CHRM2: variants seen among roughly 807,000 people sequenced by gnomAD.
CHRM2 encodes muscarinic acetylcholine receptor M2.
CHRM2 carries 8 observed loss-of-function variants against 25.0 expected under a neutral mutation model. That is an observed-to-expected ratio of 0.32 (90% CI 0.19 to 0.58). The LOEUF (loss-of-function observed/expected upper bound fraction) is 0.58. CHRM2 is among the 20% of genes least tolerant of loss of function. The probability of loss-of-function intolerance (pLI) is 0.88; values close to 1 mark genes in which losing one functional copy is unlikely to be tolerated. For synonymous variants in CHRM2, 202 were observed against 205.7 expected (o/e 0.98, Z 0.15); for missense variants, 440 against 567.1 (o/e 0.78, Z 2.28).
At chr7:136,944,536 T>A (rs28509469) in intron 2 of CHRM2, among the ~76,000 whole-genome samples, 1 of 152,066 alleles carries the variant, frequency 6.6e-6, no homozygotes, top group Non-Finnish European at 1.5e-5. Context: ...TGTACATATA[T>A]ACATATATAT....
intron 3 of CHRM2, among the ~76,000 whole-genome samples, chr7:137,007,466 C>T (rs187679010): frequency 1.3e-5 from 2 of 152,176 alleles, no homozygotes; most frequent in African/African-American, 2.4e-5. Flanking sequence ...CTACTCCTTG[C>T]GGCCACCACC....
intron 3 of CHRM2, among the ~76,000 whole-genome samples, chr7:136,993,997 A>C (rs1315836016): frequency 6.6e-6 from 1 of 152,200 alleles, no homozygotes; most frequent in Non-Finnish European, 1.5e-5. Context: ...TGTTTTGTTT[A>C]AAGGTTGCTT....
chr7:136,919,304 T>C (rs1460499604), intron 2 of CHRM2, among the ~76,000 whole-genome samples: 1 of 152,120 alleles, frequency 6.6e-6, no homozygotes, highest in East Asian at 1.9e-4. Flanking sequence ...TTTACTAAAC[T>C]TTTCAATCAG....
chr7:136,947,815 C>A (rs1800157930), intron 2 of CHRM2, among the ~76,000 whole-genome samples: 1 of 152,046 alleles, frequency 6.6e-6, no homozygotes, highest in African/African-American at 2.4e-5. Context: ...AGGAGAAAAT[C>A]TTGGGTACAA....
intron 2 of CHRM2, among the ~76,000 whole-genome samples, chr7:136,879,982 A>C (rs565920370): frequency 1.3e-5 from 2 of 151,472 alleles, no homozygotes; most frequent in African/African-American, 4.8e-5. Flanking sequence ...CCCCTTTGCT[A>C]TTCACCAGCT....
At chr7:136,903,818 G>A (rs1390262830) in intron 2 of CHRM2, among the ~76,000 whole-genome samples, 1 of 151,798 alleles carries the variant, frequency 6.6e-6, no homozygotes, top group Non-Finnish European at 1.5e-5. Flanking sequence ...ACAGTAATAT[G>A]GCCTTGGGGT....
At chr7:136,991,494 G>T (rs1437191320) in intron 2 of CHRM2, among the ~76,000 whole-genome samples, 2 of 151,960 alleles carry the variant, frequency 1.3e-5, no homozygotes, top group Non-Finnish European at 2.9e-5. Flanking sequence ...TGATATATTT[G>T]TCTATTATTT....
intron 2 of CHRM2, among the ~76,000 whole-genome samples, chr7:136,947,955 G>A (rs1216787522): frequency 1.3e-5 from 2 of 152,168 alleles, no homozygotes; most frequent in Non-Finnish European, 2.9e-5. Context: ...GGCAGTGAAG[G>A]TTTGAAATGG....
At position 136,959,038 on chromosome 7, in the gene CHRM2, G is replaced by A. The variant is rs1209765959; in HGVS notation, c.-124-33149G>A. On this transcript the variant is annotated intron_variant, in intron 2 of 3. Transcript: ENST00000680005. ...AAGATGGCTGAGAGGCTATTTTTAT[G>A]TTTCTGCCCTGGAGACTCTGAACCT... is the stretch of plus-strand genomic sequence containing the variant. 6.6e-5 allele frequency among the ~76,000 whole-genome samples: 10 copies of A among 152,202 alleles called. 1 individual carries two copies. The highest frequency in any genetic ancestry group is 5.9e-4 in the Admixed American group (9 of 15,286).
rs1265117293 is a variant in CHRM2, at chr7:137,015,397, A to C, written c.532A>C (p.Ile178Leu). Residue 178 changes from isoleucine to leucine, a missense_variant, in exon 4 of 4, where the codon ATT (isoleucine) becomes CTT (leucine). Physicochemically the swap from Ile to Leu is conservative, Grantham distance 5. This residue lies in a region of CHRM2 where 261 missense variants were observed against 261.8 expected (regional missense o/e 1.00). Transcript: ENST00000680005. This position sits in a 1 kb window ranked among gnomAD's most constrained non-coding sequence, Gnocchi z 5.1. ...VRTVEDGECYIQFFSNAAVTF... is the reference protein window; with the variant it reads ...VRTVEDGECYLQFFSNAAVTF... ...AACTGTGGAGGATGGGGAGTGCTACATTCAGTTTTTTTCCAATGCTGCTGT... is the reference window on the plus strand; with the variant it reads ...AACTGTGGAGGATGGGGAGTGCTACCTTCAGTTTTTTTCCAATGCTGCTGT... 1.2e-6 allele frequency: 2 copies of C among 1,613,440 alleles called. No homozygotes were observed. Among genetic ancestry groups the C allele is most frequent in the Admixed American group, 3.3e-5 (2 of 59,934 alleles).
chr7:136,950,571 T>C (rs1216037706), intron 2 of CHRM2, among the ~76,000 whole-genome samples: 2 of 152,160 alleles, frequency 1.3e-5, no homozygotes, highest in Non-Finnish European at 2.9e-5. Context: ...CCATCCACTG[T>C]AGGAATTGAA....
intron 2 of CHRM2, among the ~76,000 whole-genome samples, chr7:136,944,508 T>C (rs1031307377): frequency 1.3e-5 from 2 of 152,064 alleles, no homozygotes; most frequent in Admixed American, 6.6e-5. Context: ...CATATATGTG[T>C]ACATATATAC....
chr7:136,994,521 CTTTTTTTTTTTTTTT>C (rs757243972), intron 3 of CHRM2, among the ~76,000 whole-genome samples: 1 of 71,416 alleles, frequency 1.4e-5, no homozygotes, highest in South Asian at 4.8e-4. Flanking sequence ...TTTTTCTTTT[CTTTTTTTTTTTTTTT>C]TTTTTTTTTT....
intron 2 of CHRM2, chr7:136,870,122 G>A (rs1332760669): frequency 1.3e-5 from 2 of 152,458 alleles, no homozygotes; most frequent in South Asian, 2.1e-4. Context: ...GTGGCTGGGG[G>A]ACAAGGTCTC....
At chr7:137,008,985 A>G (rs1168938825) in intron 3 of CHRM2, among the ~76,000 whole-genome samples, 5 of 152,086 alleles carry the variant, frequency 3.3e-5, no homozygotes, top group Non-Finnish European at 4.4e-5. Flanking sequence ...GTCTGTTATC[A>G]TTATCATCTG....
At chr7:136,948,269 A>T (rs1800187304) in intron 2 of CHRM2, among the ~76,000 whole-genome samples, 1 of 152,140 alleles carries the variant, frequency 6.6e-6, no homozygotes, top group Non-Finnish European at 1.5e-5. Flanking sequence ...AGGGCCTATT[A>T]TGGGGTCTTT....
intron 3 of CHRM2, among the ~76,000 whole-genome samples, chr7:136,999,504 G>C (rs180911355): frequency 7.7e-4 from 117 of 151,728 alleles, no homozygotes; most frequent in African/African-American, 2.5e-3. Context: ...CCATTAACTC[G>C]TCATTTAACA....
chr7:136,882,802 GA>G (rs1714579419), intron 2 of CHRM2, among the ~76,000 whole-genome samples: 2 of 151,978 alleles, frequency 1.3e-5, no homozygotes, highest in Admixed American at 1.3e-4. Context: ...TAATTAATCT[GA>G]AACACATGAA....
chr7:137,004,061 T>C (rs1480083290), intron 3 of CHRM2, among the ~76,000 whole-genome samples: 1 of 152,134 alleles, frequency 6.6e-6, no homozygotes, highest in East Asian at 1.9e-4. Context: ...TATTTCTTCA[T>C]AGCACTCTGA....
Sources: gnomAD v4.1 joint callset for allele counts (sites outside exome capture counted in the v4.1 genomes callset) on GRCh38, gnomAD v4.1.1 for gene constraint, gnomAD v4.1.1 regional missense constraint, Gnocchi (gnomAD v3.1) non-coding constraint, MANE v1.5 for transcripts, NCBI Gene and HGNC (gene_info 2026-07-23, HGNC 2026-07-21) for gene names.